The following CPNE8 variants were observed in gnomAD, a reference collection of about 807,000 sequenced individuals.
CPNE8 encodes copine 8.
A neutral mutation model predicts 81.5 loss-of-function variants in CPNE8; 45 were observed. The ratio of observed to expected loss-of-function variants is 0.55; its 90% CI spans 0.44 to 0.71. The LOEUF is 0.71. Ranked by LOEUF, CPNE8 falls within the 30% of genes least tolerant of loss-of-function variation. The pLI is 0.00. For missense variants in CPNE8, 594 were observed against 672.1 expected, an observed-to-expected ratio of 0.88 and a Z score of 1.28; for synonymous variants, 252 against 226.3, an observed-to-expected ratio of 1.11 and a Z score of -1.02.
At chr12:38,721,287 G>C (rs1221347796) in intron 13 of CPNE8, 1 of 153,732 alleles carries the variant, frequency 6.5e-6, no homozygotes, top group Non-Finnish European at 1.4e-5. Context: ...AGGCCCTTCT[G>C]TCTGCTAGGA....
chr12:38,894,658 ACTCTCTCTCTCTCTC>A (rs1192047108), intron 1 of CPNE8, among the ~76,000 whole-genome samples: 2 of 124,460 alleles, frequency 1.6e-5, no homozygotes, highest in Non-Finnish European at 3.3e-5. Flanking sequence ...ACTCCAGCTC[ACTCTCTCTCTCTCTC>A]TCTCTCTCTC....
rs150695481 is a variant in CPNE8 at position 38,756,984 on chromosome 12, T to C, written c.722+3863A>G. 4.7e-3 allele frequency among the ~76,000 whole-genome samples: 713 copies of C among 152,296 alleles called. 5 individuals are homozygous for C. Among genetic ancestry groups the C allele is most frequent in the African/African-American group, 0.016 (662 of 41,580 alleles). Reference sequence around the variant, plus strand: ...TTAAAATGACAATATTCTGGAAACATGGGATTAAATAAAATATATTAGTAC... The same window carrying C: ...TTAAAATGACAATATTCTGGAAACACGGGATTAAATAAAATATATTAGTAC... On this transcript the variant is annotated intron_variant, in intron 10 of 19. Coordinates refer to ENST00000331366, the MANE Select transcript of CPNE8 (RefSeq NM_153634.3).
At chr12:38,750,937 C>T (rs1039766104) in intron 10 of CPNE8, among the ~76,000 whole-genome samples, 1 of 152,114 alleles carries the variant, frequency 6.6e-6, no homozygotes, top group Non-Finnish European at 1.5e-5. Context: ...CTTGAATTCC[C>T]ACGTGTTGTG....
chr12:38,833,756 G>A (rs1462612497), intron 5 of CPNE8, among the ~76,000 whole-genome samples: 1 of 152,018 alleles, frequency 6.6e-6, no homozygotes, highest in African/African-American at 2.4e-5. Context: ...GGGATTACAG[G>A]TATGAGCCAC....
rs143885686 is a variant in CPNE8, at chr12:38,766,150, G to A, written c.575+1485C>T. Among the ~76,000 whole-genome samples, 757 of 152,218 alleles carry A rather than the reference G, an allele frequency of 5.0e-3. 5 individuals are homozygous for A. Among genetic ancestry groups the A allele is most frequent in the African/African-American group, 0.017 (705 of 41,516 alleles). ...TGGGATTACAGGCGTGAGCCACCGC[G>A]CCTGGCCGTGAACATCATTTTTACA... On this transcript the variant is annotated intron_variant, in intron 8 of 19. Transcript: ENST00000331366.
intron 10 of CPNE8, among the ~76,000 whole-genome samples, chr12:38,739,704 C>T (rs533020087): frequency 1.2e-4 from 18 of 152,132 alleles, no homozygotes; most frequent in Middle Eastern, 3.4e-3. Context: ...AATTAATTAG[C>T]GGATACCAAA....
intron 4 of CPNE8, among the ~76,000 whole-genome samples, chr12:38,845,833 CTTCTGCAGGTAACCCT>C (rs1943550109): frequency 6.6e-6 from 1 of 152,136 alleles, no homozygotes; most frequent in African/African-American, 2.4e-5. Context: ...TCTTGATGAT[CTTCTGCAGGTAACCCT>C]TTCTAGCCCT....
In CPNE8 at chr12:38,704,066, A is replaced by G. The variant is rs142106101; in HGVS notation, c.915-1145T>C. ...CTAAACATTGGGTACTCATGGACAT[A>G]AAGATGGCAACAACAGACACTGGAG... On this transcript the variant is annotated intron_variant, in intron 13 of 19. Coordinates refer to ENST00000331366, the MANE Select transcript of CPNE8 (RefSeq NM_153634.3). Among the ~76,000 whole-genome samples, 574 of 152,260 alleles carry G rather than the reference A, an allele frequency of 3.8e-3. 5 individuals are homozygous for G. Among genetic ancestry groups the G allele is most frequent in the African/African-American group, 0.014 (562 of 41,550 alleles).
intron 3 of CPNE8, among the ~76,000 whole-genome samples, chr12:38,854,247 T>G (rs1481889515): frequency 6.6e-6 from 1 of 151,778 alleles, no homozygotes; most frequent in Non-Finnish European, 1.5e-5. Flanking sequence ...TCTCATACTC[T>G]TCCTCTTGGA....
At chr12:38,817,264 T>TA (rs1943041373) in intron 6 of CPNE8, among the ~76,000 whole-genome samples, 1 of 152,180 alleles carries the variant, frequency 6.6e-6, no homozygotes, top group Non-Finnish European at 1.5e-5. Flanking sequence ...ATTTTCCAAA[T>TA]AAGGGGAAAA....
At chr12:38,805,677 T>TA (rs71068581) in intron 6 of CPNE8, among the ~76,000 whole-genome samples, 20,138 of 104,516 alleles carry the variant, frequency 0.19, 3,033 homozygotes, top group East Asian at 0.64. Flanking sequence ...AAAAAAACAT[T>TA]AAAAAAAAAA....
At chr12:38,682,282 G>C (rs1324358273) in intron 16 of CPNE8, among the ~76,000 whole-genome samples, 1 of 152,196 alleles carries the variant, frequency 6.6e-6, no homozygotes, top group South Asian at 2.1e-4. Flanking sequence ...ACTCAGCCAG[G>C]CGTGGTGGCT....
chr12:38,798,348 C>A (rs1234963994), intron 6 of CPNE8, among the ~76,000 whole-genome samples: 2 of 152,276 alleles, frequency 1.3e-5, no homozygotes, highest in East Asian at 3.9e-4. Context: ...AACAGCTGAT[C>A]TCTCCGCAGA....
chr12:38,892,124 G>C (rs1442803192), intron 1 of CPNE8, among the ~76,000 whole-genome samples: 1 of 152,194 alleles, frequency 6.6e-6, no homozygotes, highest in East Asian at 1.9e-4. Context: ...CCACAAATGG[G>C]GGAAAGGCTT....
At chr12:38,816,449 C>T (rs1943024840) in intron 6 of CPNE8, among the ~76,000 whole-genome samples, 1 of 152,132 alleles carries the variant, frequency 6.6e-6, no homozygotes, top group Non-Finnish European at 1.5e-5. Context: ...TTTGATCCAG[C>T]ATGCTGTGGA....
chr12:38,794,200 G>A (rs1482037685), intron 6 of CPNE8, among the ~76,000 whole-genome samples: 1 of 152,034 alleles, frequency 6.6e-6, no homozygotes, highest in Admixed American at 6.6e-5. Flanking sequence ...AGACAAATGG[G>A]GCCTGCATTA....
intron 6 of CPNE8, among the ~76,000 whole-genome samples, chr12:38,806,699 G>C (rs1185198517): frequency 1.4e-5 from 2 of 139,958 alleles, no homozygotes; most frequent in East Asian, 2.8e-4. Context: ...GCACAAGACA[G>C]GGATGCCCTC....
intron 3 of CPNE8, among the ~76,000 whole-genome samples, chr12:38,857,681 G>A (rs2137074122): frequency 1.3e-5 from 2 of 152,278 alleles, no homozygotes; most frequent in African/African-American, 4.8e-5. Context: ...AAGAGGCCAG[G>A]GTGGGTGGAT....
chr12:38,765,005 T>C (rs1565603806), intron 8 of CPNE8, among the ~76,000 whole-genome samples: 1 of 152,212 alleles, frequency 6.6e-6, no homozygotes, highest in Non-Finnish European at 1.5e-5. Flanking sequence ...TTCTCTTATA[T>C]TCCTAGTGTC....
Sources: allele counts gnomAD v4.1 joint callset (sites outside exome capture counted in the v4.1 genomes callset), GRCh38; gene constraint gnomAD v4.1.1; transcripts MANE v1.5; gene names NCBI Gene and HGNC (gene_info 2026-07-23, HGNC 2026-07-21).